Variants in ATP7A observed in about 807,000 individuals in gnomAD.
ATP7A encodes copper-transporting ATPase 1.
In ATP7A, 7 loss-of-function variants were observed where a neutral mutation model predicts 83.5. The ratio of observed to expected loss-of-function variants is 0.08; its 90% confidence interval spans 0.05 to 0.16. ATP7A has a LOEUF of 0.16. ATP7A is among the 10% of genes least tolerant of loss of function. ATP7A has a pLI of 1.00. For missense variants in ATP7A, 940 were observed against 1,120.8 expected (o/e 0.84, Z 2.30); for synonymous variants, 354 against 395.2 (o/e 0.90, Z 1.24).
In ATP7A at chrX:78,045,558, T is replaced by G; in HGVS notation, c.4212T>G (p.Ser1404=). 1 of 1,204,911 alleles carries G rather than the reference T, an allele frequency of 8.3e-7. No homozygotes were observed. The highest frequency in any genetic ancestry group is 1.1e-6 in the Non-Finnish European group (1 of 889,125). The change falls in exon 22 of 23, where the codon TCT becomes TCG. Residue 1404 remains serine (S), a synonymous_variant. Coordinates refer to ENST00000341514, the MANE Select transcript of ATP7A (RefSeq NM_000052.7). ...CATCTGTTTCTGTAGTACTTTCTTCTCTCTTCCTTAAACTGTAAGTATGAT... is the reference window on the plus strand; with the variant it reads ...CATCTGTTTCTGTAGTACTTTCTTCGCTCTTCCTTAAACTGTAAGTATGAT... ...AASSVSVVLS[S]LFLKLYRKPT...
chrX:78,032,415 T>C (rs1311994921), intron 16 of ATP7A, among the ~76,000 whole-genome samples: 1 of 112,025 alleles, frequency 8.9e-6, no homozygotes, highest in Non-Finnish European at 1.9e-5. Flanking sequence ...ATATTACCAA[T>C]ATACATGAGG....
intron 1 of ATP7A, among the ~76,000 whole-genome samples, chrX:77,936,361 C>G (rs1452264601): frequency 8.9e-6 from 1 of 112,050 alleles, no homozygotes; most frequent in South Asian, 3.7e-4. Context: ...TATAGACTTT[C>G]CTGACATATT....
intron 1 of ATP7A, among the ~76,000 whole-genome samples, chrX:77,932,429 C>T (rs1321539190): frequency 1.9e-5 from 2 of 107,677 alleles, no homozygotes; most frequent in African/African-American, 6.9e-5. Context: ...GACTGGGCAG[C>T]CAGGCAGAGC....
At chrX:78,028,218 C>T (rs890866223) in intron 14 of ATP7A, among the ~76,000 whole-genome samples, 5 of 103,965 alleles carry the variant, frequency 4.8e-5, no homozygotes, top group Admixed American at 1.1e-4. Flanking sequence ...GACCGAGTTT[C>T]GCTCTTGTCA....
intron 1 of ATP7A, among the ~76,000 whole-genome samples, chrX:77,946,299 CAAA>C (rs782508466): frequency 2.0e-5 from 1 of 49,287 alleles, no homozygotes. Context: ...GACTCTGTCT[CAAA>C]AAAAAAAAAA....
At position 77,932,778 on chromosome X, in the gene ATP7A, G is replaced by A. The variant is rs180801605; in HGVS notation, c.-22+21943G>A. Among the ~76,000 whole-genome samples the A allele has an allele frequency of 1.8e-3, 201 of 112,625 alleles. 5 individuals are homozygous for A. The East Asian group carries it at 0.048, about 27-fold the overall frequency. On this transcript the variant is annotated intron_variant, in intron 1 of 22. Coordinates refer to ENST00000341514, the MANE Select transcript of ATP7A (RefSeq NM_000052.7). ...AAACCAGTCAGGTGTGGCAGCGCGC[G>A]CCTGCAATCGCAGGCACTCGGCAGG...
chrX:78,014,832 G>A, intron 11 of ATP7A, 79 bp downstream of exon 11: 4 of 731,046 alleles, frequency 5.5e-6, no homozygotes, highest in Non-Finnish European at 8.4e-6. Flanking sequence ...AGTAGAAAAA[G>A]GACTATCATG....
intron 3 of ATP7A, 147 bp from the exon 4 acceptor site, chrX:77,989,086 A>T: frequency 2.7e-6 from 2 of 737,309 alleles, no homozygotes; most frequent in South Asian, 5.9e-5. Flanking sequence ...TGCCAATAAC[A>T]TTTTCTGAAA....
intron 2 of ATP7A, among the ~76,000 whole-genome samples, chrX:77,983,026 G>A (rs1191645415): frequency 8.9e-6 from 1 of 111,813 alleles, no homozygotes; most frequent in African/African-American, 3.3e-5. Context: ...TCACATGGTG[G>A]AAGGGACAGG....
chrX:78,023,626 C>G (rs781887344), intron 14 of ATP7A, among the ~76,000 whole-genome samples: 1 of 110,337 alleles, frequency 9.1e-6, no homozygotes, highest in Non-Finnish European at 1.9e-5. Context: ...TCTATTTATG[C>G]CCTTTGCCCA....
At chrX:77,932,949 A>T (rs191894957) in intron 1 of ATP7A, among the ~76,000 whole-genome samples, 10 of 109,500 alleles carry the variant, frequency 9.1e-5, no homozygotes, top group African/African-American at 3.4e-4. Context: ...GGAGAGGGAG[A>T]GAGCAGGAAC....
chrX:78,034,665 T>C (rs1033165445), intron 17 of ATP7A, among the ~76,000 whole-genome samples: 20 of 111,135 alleles, frequency 1.8e-4, no homozygotes. Context: ...TATTTGACAA[T>C]GTTGACCATC....
intron 4 of ATP7A, among the ~76,000 whole-genome samples, chrX:77,995,847 G>T (rs1238564345): frequency 1.8e-5 from 2 of 110,714 alleles, no homozygotes; most frequent in African/African-American, 6.5e-5. Context: ...GGGTTCAAGC[G>T]ATTCTCCTGT....
intron 1 of ATP7A, chrX:77,969,611 G>T (rs1440450844): frequency 1.7e-6 from 2 of 1,210,413 alleles, no homozygotes; most frequent in Admixed American, 4.4e-5. Context: ...TCGCCGTGCC[G>T]GATCAGCACC....
chrX:77,938,074 G>T (rs1557225239), intron 1 of ATP7A, among the ~76,000 whole-genome samples: 2 of 111,622 alleles, frequency 1.8e-5, no homozygotes, highest in African/African-American at 6.5e-5. Context: ...TTTCATTAAA[G>T]AAAATAAATG....
intron 5 of ATP7A, among the ~76,000 whole-genome samples, chrX:77,999,068 C>A (rs991193014): frequency 1.9e-5 from 2 of 107,420 alleles, no homozygotes; most frequent in South Asian, 4.2e-4. Context: ...GCGATCTCGG[C>A]TCACTGCAAC....
rs185148389 is a variant in ATP7A at position 77,937,375 on chromosome X, A to G, written c.-22+26540A>G. On this transcript the variant is annotated intron_variant, in intron 1 of 22. Coordinates refer to ENST00000341514, the MANE Select transcript of ATP7A (RefSeq NM_000052.7). ...GATGGGAATACAAAATGATACTGCCACTTTGGAAAACAGTTTGCCAGCAGT... is the reference window on the plus strand; with the variant it reads ...GATGGGAATACAAAATGATACTGCCGCTTTGGAAAACAGTTTGCCAGCAGT... 3.0e-3 allele frequency among the ~76,000 whole-genome samples: 335 copies of G among 112,726 alleles called. 2 individuals carry two copies. The highest frequency in any genetic ancestry group is 9.1e-3 in the South Asian group (25 of 2,761).
At chrX:77,960,739 A>G (rs887186005) in intron 1 of ATP7A, among the ~76,000 whole-genome samples, 3 of 111,814 alleles carry the variant, frequency 2.7e-5, no homozygotes, top group Non-Finnish European at 1.9e-5. Context: ...ACTTGAAGTT[A>G]TTTCCCTCAG....
rs372116692 is a variant in ATP7A at position 78,009,129 on chromosome X, G to C, written c.1735G>C (p.Val579Leu). 8.3e-7 allele frequency: 1 copy of C among 1,208,215 alleles called. No homozygotes were observed. The highest frequency in any genetic ancestry group is 1.8e-5 in the African/African-American group (1 of 56,812). The change falls in exon 7 of 23, where the codon GTA (valine) becomes CTA (leucine). Residue 579 changes from valine (V) to leucine (L), a missense_variant. Coordinates refer to ENST00000341514, the MANE Select transcript of ATP7A (RefSeq NM_000052.7). ...VVRGMTCASC[V>L]HKIESSLTKH... ...GAGGGGAATGACGTGTGCCTCCTGC[G>C]TACATAAAATAGAGTCTAGTCTCAC...
Sources: allele counts gnomAD v4.1 joint callset (sites outside exome capture counted in the v4.1 genomes callset), GRCh38; gene constraint gnomAD v4.1.1; transcripts MANE v1.5; gene names NCBI Gene and HGNC (gene_info 2026-07-23, HGNC 2026-07-21).